The following RALGPS2 variants were observed in gnomAD, a reference collection of about 807,000 sequenced individuals.
RALGPS2 encodes the protein Ral GEF with PH domain and SH3 binding motif 2.
Under a neutral mutation model 86.8 loss-of-function variants are expected in RALGPS2, and 43 were observed. The ratio of observed to expected loss-of-function variants is 0.50; its 90% CI spans 0.39 to 0.64. RALGPS2 has a LOEUF of 0.64. Among genes scored for constraint, RALGPS2 ranks in the 30% least tolerant of loss-of-function variants. RALGPS2 has a pLI of 0.00. For missense variants in RALGPS2, 536 were observed against 694.6 expected, an observed-to-expected ratio of 0.77 and a Z score of 2.57; for synonymous variants, 243 against 231.3, an observed-to-expected ratio of 1.05 and a Z score of -0.46.
At chr1:178,887,529 T>G (rs1659541910) in intron 13 of RALGPS2, among the ~76,000 whole-genome samples, 1 of 152,200 alleles carries the variant, frequency 6.6e-6, no homozygotes, top group Non-Finnish European at 1.5e-5. Context: ...TATGTCTTCA[T>G]CTATGATTAA....
At chr1:178,840,174 C>G (rs919162312) in intron 8 of RALGPS2, among the ~76,000 whole-genome samples, 1 of 152,208 alleles carries the variant, frequency 6.6e-6, no homozygotes, top group Non-Finnish European at 1.5e-5. Flanking sequence ...ACAGAACTCT[C>G]CACCCCAAAT....
At chr1:178,811,541 A>C in intron 6 of RALGPS2, 137 bp downstream of exon 6, 1 of 594,260 alleles carries the variant, frequency 1.7e-6, no homozygotes. Context: ...CAATTTTTAA[A>C]ATTGGATGCC....
At position 178,919,735 on chromosome 1, in the gene RALGPS2, A is replaced by C. The variant is rs1441129945; in HGVS notation, c.*3376A>C. 6.6e-6 allele frequency: 1 copy of C among 152,090 alleles called. No homozygotes were observed. The highest frequency in any genetic ancestry group is 1.5e-5 in the Non-Finnish European group (1 of 67,946). The allele number at this position is 152,090 out of a possible 1,614,324, so 9.4% of individuals were successfully genotyped here. On this transcript the variant is annotated 3_prime_UTR_variant, in exon 20 of 20. Coordinates refer to ENST00000367635, the MANE Select transcript of RALGPS2 (RefSeq NM_152663.5). ...TTCCATCCATTAGCTTTTTAAATGA[A>C]TAGATCTGGTATTGATTTCCTTCCT...
chr1:178,837,506 T>C (rs183437324), intron 8 of RALGPS2, among the ~76,000 whole-genome samples: 1 of 152,280 alleles, frequency 6.6e-6, no homozygotes, highest in East Asian at 1.9e-4. Flanking sequence ...GTAAAATGTA[T>C]GTGTCTGAGG....
intron 16 of RALGPS2, among the ~76,000 whole-genome samples, chr1:178,897,293 G>A (rs1397073832): frequency 6.6e-6 from 1 of 152,044 alleles, no homozygotes; most frequent in Non-Finnish European, 1.5e-5. Context: ...AACAACAGGT[G>A]CTGGAGAGGA....
At chr1:178,734,321 C>T (rs1650554324) in intron 1 of RALGPS2, among the ~76,000 whole-genome samples, 1 of 152,168 alleles carries the variant, frequency 6.6e-6, no homozygotes, top group South Asian at 2.1e-4. Flanking sequence ...TTTAACGTAG[C>T]ATTACCATAC....
At chr1:178,797,624 T>C (rs1316744290) in intron 4 of RALGPS2, among the ~76,000 whole-genome samples, 1 of 152,182 alleles carries the variant, frequency 6.6e-6, no homozygotes, top group Non-Finnish European at 1.5e-5. Flanking sequence ...TTACTTACTC[T>C]TCATTCAGTT....
At chr1:178,882,593 G>A (rs948612162) in intron 10 of RALGPS2, among the ~76,000 whole-genome samples, 3 of 152,122 alleles carry the variant, frequency 2.0e-5, no homozygotes, top group African/African-American at 7.2e-5. Context: ...ATTTTAGTCA[G>A]TAGAATACTA....
Position 178,846,323 on chromosome 1 carries a change from A to G in RALGPS2, c.607+12773A>G, listed in dbSNP as rs190453215. Among the ~76,000 whole-genome samples the G allele has an allele frequency of 6.1e-3, 927 of 152,214 alleles. 10 individuals are homozygous for G. The highest frequency in any genetic ancestry group is 0.021 in the African/African-American group (887 of 41,562). ...TTCCTTTCTTTAGTTTGATTTGTCAATAATATACATTATGGATTACCTTAC... is the reference window on the plus strand; with the variant it reads ...TTCCTTTCTTTAGTTTGATTTGTCAGTAATATACATTATGGATTACCTTAC... On this transcript the variant is annotated intron_variant, in intron 8 of 19. Transcript: ENST00000367635.
At chr1:178,887,388 G>A (rs1350026084) in intron 13 of RALGPS2, among the ~76,000 whole-genome samples, 2 of 152,164 alleles carry the variant, frequency 1.3e-5, no homozygotes, top group Non-Finnish European at 1.5e-5. Flanking sequence ...AGGAAACAGA[G>A]GTTGCAGCGA....
chr1:178,770,786 C>G (rs1421318052), intron 1 of RALGPS2, among the ~76,000 whole-genome samples: 1 of 149,268 alleles, frequency 6.7e-6, no homozygotes, highest in Non-Finnish European at 1.5e-5. Flanking sequence ...CACCCTTTTA[C>G]CTCTTAGTAC....
At chr1:178,824,964 CT>C (rs1655685475) in intron 7 of RALGPS2, among the ~76,000 whole-genome samples, 1 of 151,996 alleles carries the variant, frequency 6.6e-6, no homozygotes, top group Non-Finnish European at 1.5e-5. Flanking sequence ...AAAGCAAGGT[CT>C]TTAGTTAAGG....
intron 1 of RALGPS2, among the ~76,000 whole-genome samples, chr1:178,752,170 CTG>C (rs1182413270): frequency 1.4e-5 from 2 of 147,152 alleles, no homozygotes; most frequent in Non-Finnish European, 3.0e-5. Context: ...GGGTGTCACT[CTG>C]TTGCCCAGGC....
intron 1 of RALGPS2, among the ~76,000 whole-genome samples, chr1:178,761,998 T>C (rs1355824513): frequency 6.6e-6 from 1 of 152,172 alleles, no homozygotes; most frequent in Non-Finnish European, 1.5e-5. Context: ...TTCTCAATCC[T>C]CACTCTTCTT....
chr1:178,796,136 G>T (rs1246354862), intron 4 of RALGPS2, among the ~76,000 whole-genome samples: 3 of 152,124 alleles, frequency 2.0e-5, no homozygotes, highest in Admixed American at 1.3e-4. Context: ...GAAAAGTGTT[G>T]TTTGGTAGTG....
At chr1:178,895,063 A>T (rs992086145) in intron 16 of RALGPS2, among the ~76,000 whole-genome samples, 1 of 151,964 alleles carries the variant, frequency 6.6e-6, no homozygotes, top group Non-Finnish European at 1.5e-5. Flanking sequence ...CTATAACTAT[A>T]TTGGGGGGGG....
chr1:178,888,925 G>A (rs946731263), intron 13 of RALGPS2, among the ~76,000 whole-genome samples: 2 of 152,060 alleles, frequency 1.3e-5, no homozygotes, highest in Non-Finnish European at 2.9e-5. Flanking sequence ...AATTTAACTT[G>A]ACCTATTAAT....
chr1:178,856,877 A>G (rs1486297767), intron 8 of RALGPS2, among the ~76,000 whole-genome samples: 1 of 152,178 alleles, frequency 6.6e-6, no homozygotes, highest in South Asian at 2.1e-4. Context: ...ATAGTAGCCA[A>G]TTTTAGCTCT....
At chr1:178,865,314 C>G in intron 8 of RALGPS2, 1 of 1,613,944 alleles carries the variant, frequency 6.2e-7, no homozygotes, top group South Asian at 1.1e-5. Flanking sequence ...ATTTTGTTTT[C>G]CAGTTGGGAA....
Sources: gnomAD v4.1 joint callset for allele counts (sites outside exome capture counted in the v4.1 genomes callset) on GRCh38, gnomAD v4.1.1 for gene constraint, MANE v1.5 for transcripts, NCBI Gene and HGNC (gene_info 2026-07-23, HGNC 2026-07-21) for gene names.